The following SNX14 variants were observed in gnomAD, a reference collection of about 807,000 sequenced individuals.
The protein encoded by SNX14 is sorting nexin-14.
A neutral mutation model predicts 133.8 loss-of-function variants in SNX14; 93 were observed. The ratio of observed to expected loss-of-function variants is 0.70; its 90% CI spans 0.59 to 0.83. The LOEUF is 0.83. Among genes scored for constraint, SNX14 ranks in the 40% least tolerant of loss-of-function variants. The pLI is 0.00. For synonymous variants in SNX14, 368 were observed against 365.6 expected (o/e 1.01, Z -0.07); for missense variants, 945 against 1,094.9 (o/e 0.86, Z 1.93).
At position 85,528,299 on chromosome 6, in the gene SNX14, A is replaced by T. The variant is rs1779118433; in HGVS notation, c.1958T>A (p.Leu653Ter). 12 of 1,613,326 alleles carry T rather than the reference A, an allele frequency of 7.4e-6. No individual in the cohort carries two copies. Among genetic ancestry groups the T allele is most frequent in the African/African-American group, 1.3e-5 (1 of 74,912 alleles). ...RIIGPKNYEF[L>*]KSKREEFQEY... ...TTGGAACTCTTCCCTCTTTGACTTT[A>T]AGAATTCATAATTTTTGGGGCCAAT... The change falls in exon 20 of 29, where the codon TTA becomes TAA. Residue 653 changes from leucine (L) to a stop codon, truncating the protein, a stop_gained. Transcript: ENST00000314673. LOFTEE classifies it high-confidence loss of function.
At chr6:85,583,517 C>CA (rs1347275447) in intron 1 of SNX14, among the ~76,000 whole-genome samples, 1 of 152,150 alleles carries the variant, frequency 6.6e-6, no homozygotes, top group African/African-American at 2.4e-5. Context: ...CATCTCAGCC[C>CA]AAAATCAACT....
intron 6 of SNX14, among the ~76,000 whole-genome samples, chr6:85,560,303 G>C (rs946254383): frequency 1.3e-5 from 2 of 152,096 alleles, no homozygotes; most frequent in Admixed American, 6.5e-5. Flanking sequence ...GCCATAAAAA[G>C]AATGAAATAT....
At chr6:85,512,034 C>A (rs78481228) in intron 26 of SNX14, among the ~76,000 whole-genome samples, 1 of 152,042 alleles carries the variant, frequency 6.6e-6, no homozygotes, top group Non-Finnish European at 1.5e-5. Context: ...GCTTCTCAGG[C>A]CCCCCTGACC....
chr6:85,576,690 T>G (rs1797458824), intron 1 of SNX14, among the ~76,000 whole-genome samples: 1 of 152,122 alleles, frequency 6.6e-6, no homozygotes, highest in South Asian at 2.1e-4. Flanking sequence ...GGGAAGAAAG[T>G]ATTGGCAGTA....
chr6:85,588,439 C>T (rs369377245), intron 1 of SNX14, among the ~76,000 whole-genome samples: 3 of 151,504 alleles, frequency 2.0e-5, no homozygotes, highest in Admixed American at 1.3e-4. Context: ...TAGCCGGGCG[C>T]GGTGGCGGGC....
chr6:85,568,356 G>T (rs1395915089), intron 4 of SNX14: 2 of 152,228 alleles, frequency 1.3e-5, no homozygotes, highest in African/African-American at 4.8e-5. Flanking sequence ...GGTGTTAGTG[G>T]TTACCTCTGA....
intron 19 of SNX14, 95 bp from the exon 20 acceptor site, chr6:85,528,457 T>A (rs762269875): frequency 2.3e-6 from 2 of 863,050 alleles, no homozygotes; most frequent in Non-Finnish European, 3.6e-6. Context: ...ACATTCAGAT[T>A]AGCAATACTG....
At chr6:85,567,749 A>G in intron 4 of SNX14, 172 bp from the exon 5 acceptor site, 2 of 400,934 alleles carry the variant, frequency 5.0e-6, no homozygotes, top group Non-Finnish European at 9.1e-6. Context: ...TTGGGAGGTC[A>G]AGGCAGGTGG....
At chr6:85,579,068 G>A (rs1798235120) in intron 1 of SNX14, among the ~76,000 whole-genome samples, 1 of 151,964 alleles carries the variant, frequency 6.6e-6, no homozygotes, top group Non-Finnish European at 1.5e-5. Context: ...AACCCAGGAG[G>A]CAGAAGTTGC....
intron 1 of SNX14, among the ~76,000 whole-genome samples, chr6:85,582,093 C>A (rs1156900736): frequency 6.6e-6 from 1 of 152,056 alleles, no homozygotes; most frequent in Non-Finnish European, 1.5e-5. Context: ...ATCCTAAAAG[C>A]ACCAAGAAAA....
intron 18 of SNX14, among the ~76,000 whole-genome samples, chr6:85,530,578 G>C (rs1290785215): frequency 3.3e-5 from 5 of 151,312 alleles, no homozygotes; most frequent in Non-Finnish European, 7.4e-5. Flanking sequence ...CCAAGAGGCA[G>C]AGGTTGCAGC....
At chr6:85,577,032 T>C (rs1461057104) in intron 1 of SNX14, among the ~76,000 whole-genome samples, 1 of 152,090 alleles carries the variant, frequency 6.6e-6, no homozygotes, top group East Asian at 1.9e-4. Context: ...TGGCCTAAAC[T>C]AGGGAAGAGA....
chr6:85,533,914 T>A, intron 17 of SNX14, 114 bp from the exon 18 acceptor site: 1 of 814,788 alleles, frequency 1.2e-6, no homozygotes, highest in Non-Finnish European at 1.9e-6. Context: ...TTTAAGACCC[T>A]GAAAGCTAGG....
chr6:85,556,922 G>A (rs1206986361), intron 7 of SNX14, among the ~76,000 whole-genome samples: 4 of 152,032 alleles, frequency 2.6e-5, no homozygotes, highest in Non-Finnish European at 4.4e-5. Flanking sequence ...TCTACCTATA[G>A]CATAATTTCC....
intron 1 of SNX14, among the ~76,000 whole-genome samples, chr6:85,579,984 C>T (rs1798544179): frequency 6.6e-6 from 1 of 152,142 alleles, no homozygotes; most frequent in Non-Finnish European, 1.5e-5. Flanking sequence ...TCTCTCTCTC[C>T]TTATGGTTAT....
At chr6:85,557,173 G>A (rs1406015423) in intron 7 of SNX14, among the ~76,000 whole-genome samples, 1 of 152,178 alleles carries the variant, frequency 6.6e-6, no homozygotes, top group Non-Finnish European at 1.5e-5. Context: ...GTACTCTGCA[G>A]AACATACTTC....
intron 15 of SNX14, among the ~76,000 whole-genome samples, chr6:85,541,300 T>A (rs1783670572): frequency 6.6e-6 from 1 of 152,226 alleles, no homozygotes; most frequent in African/African-American, 2.4e-5. Context: ...GCCATTAACA[T>A]TCTTTCATTG....
At chr6:85,517,346 A>G (rs1775375829) in intron 23 of SNX14, among the ~76,000 whole-genome samples, 1 of 152,204 alleles carries the variant, frequency 6.6e-6, no homozygotes, top group Non-Finnish European at 1.5e-5. Context: ...CCTAGCACTC[A>G]ATCGTAGGCA....
At chr6:85,517,926 T>C in intron 22 of SNX14, 51 bp from the exon 23 acceptor site, 2 of 1,578,662 alleles carry the variant, frequency 1.3e-6, no homozygotes, top group Non-Finnish European at 1.7e-6. Context: ...TAATTTTTAG[T>C]ACATAATCCA....
Sources: allele counts gnomAD v4.1 joint callset (sites outside exome capture counted in the v4.1 genomes callset), GRCh38; gene constraint gnomAD v4.1.1; transcripts MANE v1.5; gene names NCBI Gene and HGNC (gene_info 2026-07-23, HGNC 2026-07-21).